Variants in OGFOD3 observed in about 807,000 individuals in gnomAD.
The protein encoded by OGFOD3 is 2-oxoglutarate and iron-dependent oxygenase domain-containing protein 3.
A neutral mutation model predicts 39.8 loss-of-function variants in OGFOD3; 35 were observed. The observed-to-expected ratio is 0.88, with a 90% CI of 0.67 to 1.17. The LOEUF is 1.17. Ranked by LOEUF, OGFOD3 falls within the 50% of genes most tolerant of loss-of-function variation. OGFOD3 has a pLI of 0.00. For synonymous variants in OGFOD3, 200 were observed against 192.0 expected, an observed-to-expected ratio of 1.04 and a Z score of -0.34; for missense variants, 438 against 454.5, an observed-to-expected ratio of 0.96 and a Z score of 0.33.
rs144518734 is a variant in OGFOD3 at position 82,392,408 on chromosome 17, G to A, written c.950C>T (p.Ala317Val). 384 of 1,611,306 alleles carry A rather than the reference G, an allele frequency of 2.4e-4. No individual in the cohort carries two copies. The highest frequency in any genetic ancestry group is 4.3e-4 in the South Asian group (39 of 90,440). ...CNPDHGIEDP[A>V]FP is the part of the protein sequence containing the mutation. ...TGGCCCGGCTGCTGGCTACGGGAAC[G>A]CTGGGTCCTCGATGCCATGGTCGGG... is the stretch of plus-strand genomic sequence containing the variant. Residue 317 changes from alanine (A) to valine (V), a missense_variant, in exon 9 of 9, where the codon GCG becomes GTG. Transcript: ENST00000313056. The surrounding 1 kb of genome is among the most constrained non-coding windows in gnomAD (Gnocchi z 4.2).
In OGFOD3 at chr17:82,392,641, C is replaced by T; in HGVS notation, c.824-107G>A. ...GAGCAACTATAACCAATCAACACAACCAACCAGGCAGGCTGGAGAAATTGC... is the reference window on the plus strand; with the variant it reads ...GAGCAACTATAACCAATCAACACAATCAACCAGGCAGGCTGGAGAAATTGC... On this transcript the variant is annotated intron_variant, in intron 8 of 8. Transcript: ENST00000313056. The surrounding 1 kb of genome is among the most constrained non-coding windows in gnomAD (Gnocchi z 4.2). 2 of 1,318,854 alleles carry T rather than the reference C, an allele frequency of 1.5e-6. No individual in the cohort carries two copies. Among genetic ancestry groups the T allele is most frequent in the Non-Finnish European group, 1.0e-6 (1 of 973,912 alleles). 81.7% of individuals were successfully genotyped at this position (1,318,854 alleles called of 1,614,324 possible).
intron 7 of OGFOD3, 27 bp from the exon 8 acceptor site, chr17:82,398,346 C>T: frequency 6.2e-7 from 1 of 1,613,440 alleles, no homozygotes; most frequent in Non-Finnish European, 8.5e-7. Flanking sequence ...GAGGAGGGGG[C>T]AGAATGGGCT....
Position 82,415,498 on chromosome 17 carries a change from G to T in OGFOD3, c.204C>A (p.Asp68Glu), listed in dbSNP as rs776457129. Residue 68 changes from aspartate to glutamate, a missense_variant, in exon 2 of 9, where the codon GAC becomes GAA. Transcript: ENST00000313056. This position sits in a 1 kb window ranked among gnomAD's most constrained non-coding sequence, Gnocchi z 5.3. ...LLLWSSLGAD[D>E]GVAEVLARRG... ...GGCGGGCCAGGACCTCTGCGACCCCGTCGTCGGCCCCCAAGCTGCTCCAGA... is the reference window on the plus strand; with the variant it reads ...GGCGGGCCAGGACCTCTGCGACCCCTTCGTCGGCCCCCAAGCTGCTCCAGA... 3 of 1,613,666 alleles carry T rather than the reference G, an allele frequency of 1.9e-6. No homozygotes were observed. Among genetic ancestry groups the T allele is most frequent in the South Asian group, 2.2e-5 (2 of 91,072 alleles).
Position 82,391,667 on chromosome 17 carries a change from C to T in OGFOD3, c.*731G>A, listed in dbSNP as rs1397957005. ...GGCAAAGGGGGAGGAGGAGACCTACCCTCGACCCAGCAGAAGGCCCATGGG... is the reference window on the plus strand; with the variant it reads ...GGCAAAGGGGGAGGAGGAGACCTACTCTCGACCCAGCAGAAGGCCCATGGG... On this transcript the variant is annotated 3_prime_UTR_variant, in exon 9 of 9. Transcript: ENST00000313056. This position sits in a 1 kb window ranked among gnomAD's most constrained non-coding sequence, Gnocchi z 5.1. 1.3e-5 allele frequency: 2 copies of T among 152,500 alleles called. No individual in the cohort carries two copies. The highest frequency in any genetic ancestry group is 2.9e-5 in the Non-Finnish European group (2 of 68,328). 9.4% of individuals were successfully genotyped at this position (152,500 alleles called of 1,614,324 possible).
chr17:82,396,886 C>G (rs1250794400), intron 8 of OGFOD3: 3 of 152,292 alleles, frequency 2.0e-5, no homozygotes, highest in Non-Finnish European at 4.4e-5. Context: ...AGGACACAGT[C>G]AGGCCAAACG....
chr17:82,414,542 A>G (rs1005183413), intron 2 of OGFOD3, among the ~76,000 whole-genome samples: 1 of 152,252 alleles, frequency 6.6e-6, no homozygotes, highest in Non-Finnish European at 1.5e-5. Flanking sequence ...TGTTAGAGAG[A>G]GAACTTCTGC....
intron 8 of OGFOD3, 61 bp downstream of exon 8, chr17:82,398,133 CCA>C: frequency 6.2e-7 from 1 of 1,602,784 alleles, no homozygotes; most frequent in South Asian, 1.1e-5. Flanking sequence ...GACACGCCCC[CCA>C]CACCCACCGT....
chr17:82,396,958 C>T (rs1179148267), intron 8 of OGFOD3: 2 of 152,266 alleles, frequency 1.3e-5, no homozygotes, highest in African/African-American at 2.4e-5. Flanking sequence ...CTGAAGCCGG[C>T]TGCAGGGAGT....
chr17:82,392,588 C>A lies in OGFOD3; in HGVS notation c.824-54G>T. ...CATAGAGCCACACCCACGGCCACAG[C>A]CTTCAGAGGGTCTGCGGTCACCTGA... On this transcript the variant is annotated intron_variant, in intron 8 of 8. Coordinates refer to ENST00000313056, the MANE Select transcript of OGFOD3 (RefSeq NM_024648.3). This position sits in a 1 kb window ranked among gnomAD's most constrained non-coding sequence, Gnocchi z 4.2. 6.5e-7 allele frequency: 1 copy of A among 1,546,472 alleles called. No homozygotes were observed. Among genetic ancestry groups the A allele is most frequent in the Non-Finnish European group, 8.7e-7 (1 of 1,144,288 alleles).
intron 4 of OGFOD3, among the ~76,000 whole-genome samples, chr17:82,407,298 C>T (rs1389632012): frequency 6.6e-6 from 1 of 152,002 alleles, no homozygotes; most frequent in East Asian, 1.9e-4. Flanking sequence ...GGACCAAACA[C>T]TTTTGTTCCC....
intron 7 of OGFOD3, among the ~76,000 whole-genome samples, chr17:82,403,693 A>AC (rs1217729847): frequency 6.6e-6 from 1 of 152,188 alleles, no homozygotes; most frequent in Admixed American, 6.5e-5. Flanking sequence ...GCCCTGTGGT[A>AC]GGTAGCCCCA....
rs1250100034 is a variant in OGFOD3 at position 82,392,434 on chromosome 17, G to A, written c.924C>T (p.Asn308=). ...CTGGGTCCTCGATGCCATGGTCGGG[G>A]TTGCAGCTGAAGGCGATGGTGATGG... ...RYAITIAFSC[N]PDHGIEDPAF... Residue 308 remains asparagine, a synonymous_variant, in exon 9 of 9, where the codon AAC becomes AAT. Transcript: ENST00000313056. The surrounding 1 kb of genome is among the most constrained non-coding windows in gnomAD (Gnocchi z 4.2). 3 of 1,612,780 alleles carry A rather than the reference G, an allele frequency of 1.9e-6. No homozygotes were observed. The highest frequency in any genetic ancestry group is 1.7e-4 in the Middle Eastern group (1 of 5,800).
rs2053020401 is a variant in OGFOD3 at position 82,415,599 on chromosome 17, C to A, written c.103G>T (p.Val35Leu). ...CACGGCCTCTGCCACAGCCTCTGCA[C>A]CTCCCGCGGGGCTCGGTCCTTCTTG... ...STKKDRAPRE[V>L]QRLWQRPWLR... is the part of the protein sequence containing the mutation. The change falls in exon 2 of 9, where the codon GTG becomes TTG. Residue 35 changes from valine (V) to leucine (L), a missense_variant. Coordinates refer to ENST00000313056, the MANE Select transcript of OGFOD3 (RefSeq NM_024648.3). This position sits in a 1 kb window ranked among gnomAD's most constrained non-coding sequence, Gnocchi z 5.3. 6.2e-7 allele frequency: 1 copy of A among 1,612,958 alleles called. No individual in the cohort carries two copies. Among genetic ancestry groups the A allele is most frequent in the Non-Finnish European group, 8.5e-7 (1 of 1,179,486 alleles).
chr17:82,395,782 C>T (rs2052662802), intron 8 of OGFOD3, among the ~76,000 whole-genome samples: 1 of 152,204 alleles, frequency 6.6e-6, no homozygotes, highest in South Asian at 2.1e-4. Flanking sequence ...GATCGCACCA[C>T]TGCACTCCAG....
intron 8 of OGFOD3, chr17:82,396,624 A>G (rs1309617559): frequency 6.6e-6 from 1 of 152,258 alleles, no homozygotes; most frequent in Non-Finnish European, 1.5e-5. Context: ...TCATGCTTAA[A>G]ATGACTAAGA....
chr17:82,408,324 G>A (rs981922636), intron 4 of OGFOD3, among the ~76,000 whole-genome samples: 2 of 152,116 alleles, frequency 1.3e-5, no homozygotes, highest in African/African-American at 2.4e-5. Flanking sequence ...AATTCAAAGC[G>A]ATCACCAAAT....
At position 82,406,866 on chromosome 17, in the gene OGFOD3, T is replaced by C. The variant is rs1343347534; in HGVS notation, c.424-384A>G. 6.6e-6 allele frequency among the ~76,000 whole-genome samples: 1 copy of C among 152,128 alleles called. No homozygotes were observed. Among genetic ancestry groups the C allele is most frequent in the Non-Finnish European group, 1.5e-5 (1 of 68,018 alleles). ...ATCCTCCCACCTCAGCCTCCCAAAGTACTGGGATTACAGGCATTAGCCACT... is the reference window on the plus strand; with the variant it reads ...ATCCTCCCACCTCAGCCTCCCAAAGCACTGGGATTACAGGCATTAGCCACT... On this transcript the variant is annotated intron_variant, in intron 4 of 8. Transcript: ENST00000313056. This position sits in a 1 kb window ranked among gnomAD's most constrained non-coding sequence, Gnocchi z 5.2.
chr17:82,398,061 G>T, intron 8 of OGFOD3, 135 bp downstream of exon 8: 1 of 1,121,716 alleles, frequency 8.9e-7, no homozygotes, highest in Non-Finnish European at 1.3e-6. Flanking sequence ...CTAGACCTGG[G>T]AATCACTCAG....
intron 2 of OGFOD3, among the ~76,000 whole-genome samples, chr17:82,413,554 C>A (rs547455284): frequency 1.3e-5 from 2 of 152,270 alleles, no homozygotes; most frequent in East Asian, 3.9e-4. Context: ...CCAAGTAATT[C>A]ATGAGTTAAA....
Sources: gnomAD v4.1 joint callset for allele counts (sites outside exome capture counted in the v4.1 genomes callset) on GRCh38, gnomAD v4.1.1 for gene constraint, Gnocchi (gnomAD v3.1) non-coding constraint, MANE v1.5 for transcripts, NCBI Gene and HGNC (gene_info 2026-07-23, HGNC 2026-07-21) for gene names.